SMYD3: variants seen among roughly 807,000 people sequenced by gnomAD.
The protein encoded by SMYD3 is histone-lysine N-methyltransferase SMYD3.
A neutral mutation model predicts 57.7 loss-of-function variants in SMYD3; 36 were observed. The ratio of observed to expected loss-of-function variants is 0.62; its 90% CI spans 0.48 to 0.82. SMYD3 has a LOEUF of 0.82. Ranked by LOEUF, SMYD3 falls within the 40% of genes least tolerant of loss-of-function variation. The probability of loss-of-function intolerance (pLI) is 0.00; values close to 1 mark genes in which losing one functional copy is unlikely to be tolerated. For missense variants in SMYD3, 515 were observed against 538.8 expected (o/e 0.96, Z 0.44); for synonymous variants, 211 against 195.0 (o/e 1.08, Z -0.68).
At chr1:245,925,732 A>G (rs2147825695) in intron 7 of SMYD3, among the ~76,000 whole-genome samples, 1 of 152,342 alleles carries the variant, frequency 6.6e-6, no homozygotes, top group African/African-American at 2.4e-5. Context: ...AAGTGCTAAG[A>G]GATACAGAAA....
chr1:246,225,338 A>C (rs1276964072), intron 5 of SMYD3, among the ~76,000 whole-genome samples: 4 of 118,728 alleles, frequency 3.4e-5, no homozygotes, highest in African/African-American at 8.8e-5. Context: ...AAAAAAAAAA[A>C]AAAAAAAAAA....
At chr1:245,930,533 G>C in intron 5 of SMYD3, 1 of 184,712 alleles carries the variant, frequency 5.4e-6, no homozygotes, top group Non-Finnish European at 1.1e-5. Context: ...GTCTTATGCA[G>C]GGACGGAGCA....
At chr1:246,101,067 T>G (rs2061003361) in intron 5 of SMYD3, among the ~76,000 whole-genome samples, 1 of 57,824 alleles carries the variant, frequency 1.7e-5, no homozygotes, top group African/African-American at 4.0e-5. Flanking sequence ...TTTAGGGGTT[T>G]TTTGTTTTTT....
intron 4 of SMYD3, among the ~76,000 whole-genome samples, chr1:246,327,744 A>G (rs1226306965): frequency 6.6e-6 from 1 of 152,218 alleles, no homozygotes; most frequent in Non-Finnish European, 1.5e-5. Flanking sequence ...CTAAACTAAT[A>G]AACAGCATCA....
At position 245,923,625 on chromosome 1, in the gene SMYD3, C is replaced by T. The variant is rs545897091; in HGVS notation, c.702+4306G>A. Reference sequence around the variant, plus strand: ...ATGCCTTTTCCAGCCTCATCCAACTCTAACTCCATGGATCCTTTCAGAGTC... The same window carrying T: ...ATGCCTTTTCCAGCCTCATCCAACTTTAACTCCATGGATCCTTTCAGAGTC... On this transcript the variant is annotated intron_variant, in intron 7 of 11. Transcript: ENST00000490107. Among the ~76,000 whole-genome samples the T allele has an allele frequency of 1.3e-4, 20 of 152,332 alleles. No individual in the cohort carries two copies. In the East Asian group the frequency reaches 3.5e-3, roughly 26 times the overall value.
intron 5 of SMYD3, among the ~76,000 whole-genome samples, chr1:246,121,603 A>G (rs1315464895): frequency 6.6e-6 from 1 of 152,178 alleles, no homozygotes; most frequent in Non-Finnish European, 1.5e-5. Context: ...GTATTCCCAG[A>G]GAAATAGCAG....
chr1:246,342,035 T>C (rs918254492), intron 2 of SMYD3, among the ~76,000 whole-genome samples: 2 of 152,186 alleles, frequency 1.3e-5, no homozygotes, highest in Non-Finnish European at 2.9e-5. Flanking sequence ...CTAACAAATA[T>C]CTGAATTATG....
chr1:245,922,580 C>T (rs1572698315), intron 7 of SMYD3, among the ~76,000 whole-genome samples: 1 of 149,254 alleles, frequency 6.7e-6, no homozygotes, highest in Non-Finnish European at 1.5e-5. Flanking sequence ...AATATGTTTC[C>T]ACAATTTATG....
chr1:246,286,870 CT>C (rs1190629612), intron 5 of SMYD3, among the ~76,000 whole-genome samples: 2 of 146,868 alleles, frequency 1.4e-5, no homozygotes, highest in Admixed American at 7.0e-5. Context: ...ATAAAAAAAT[CT>C]TTTTTTTTGT....
At chr1:245,997,524 C>T (rs912434832) in intron 5 of SMYD3, among the ~76,000 whole-genome samples, 5 of 152,198 alleles carry the variant, frequency 3.3e-5, no homozygotes, top group African/African-American at 4.8e-5. Context: ...TCCTTGGAGC[C>T]GTGAATCAGC....
At chr1:246,167,042 G>A (rs2062226301) in intron 5 of SMYD3, among the ~76,000 whole-genome samples, 1 of 152,186 alleles carries the variant, frequency 6.6e-6, no homozygotes, top group Non-Finnish European at 1.5e-5. Flanking sequence ...AGAGCATGTG[G>A]CGTCTTGTGT....
At chr1:246,042,393 C>A (rs1368457426) in intron 5 of SMYD3, among the ~76,000 whole-genome samples, 1 of 152,160 alleles carries the variant, frequency 6.6e-6, no homozygotes, top group African/African-American at 2.4e-5. Flanking sequence ...TCAAGAGCCA[C>A]ATACTCAGGG....
intron 10 of SMYD3, among the ~76,000 whole-genome samples, chr1:245,793,904 T>C (rs972028468): frequency 6.6e-6 from 1 of 152,236 alleles, no homozygotes; most frequent in Non-Finnish European, 1.5e-5. Flanking sequence ...TTTCCTCTGA[T>C]TAATGTGGTC....
chr1:246,385,976 C>T lies in SMYD3; in HGVS notation c.165-30882G>A, dbSNP rs202206158. The stretch of plus-strand genomic sequence containing the variant: ...CGATCTCGGCTCACTGCAAGCTCCA[C>T]CTCTTGGGTTCACACCATTCTCCTG... On this transcript the variant is annotated intron_variant, in intron 1 of 11. Coordinates refer to ENST00000490107, the MANE Select transcript of SMYD3 (RefSeq NM_001167740.2). Among the ~76,000 whole-genome samples, 37 of 152,182 alleles carry T rather than the reference C, an allele frequency of 2.4e-4. No individual in the cohort carries two copies. The East Asian group carries it at 6.8e-3, about 28-fold the overall frequency.
intron 5 of SMYD3, among the ~76,000 whole-genome samples, chr1:246,047,927 T>A (rs2059998773): frequency 6.6e-6 from 1 of 152,056 alleles, no homozygotes; most frequent in African/African-American, 2.4e-5. Context: ...GGGCATTTTT[T>A]AAAAAAACCT....
intron 5 of SMYD3, among the ~76,000 whole-genome samples, chr1:246,164,889 T>C (rs1375904790): frequency 6.6e-6 from 1 of 152,150 alleles, no homozygotes; most frequent in Non-Finnish European, 1.5e-5. Context: ...CTGCTGGAAG[T>C]ATACAAAGGT....
intron 5 of SMYD3, among the ~76,000 whole-genome samples, chr1:245,939,194 A>T (rs10924393): frequency 0.18 from 27,667 of 152,074 alleles, 4,806 homozygotes; most frequent in African/African-American, 0.46. Flanking sequence ...AATGTGAAGA[A>T]AATAGATAAT....
chr1:245,959,621 C>T (rs2057947732), intron 5 of SMYD3, among the ~76,000 whole-genome samples: 1 of 152,190 alleles, frequency 6.6e-6, no homozygotes, highest in Admixed American at 6.5e-5. Flanking sequence ...TCCCATTGCT[C>T]ACTGTGTTCT....
intron 5 of SMYD3, 121 bp from the exon 6 acceptor site, chr1:245,930,058 C>T (rs1344006484): frequency 2.6e-6 from 2 of 763,246 alleles, no homozygotes; most frequent in Non-Finnish European, 4.6e-6. Context: ...TAAGAAAGAG[C>T]CAAGCCAATC....
Sources: gnomAD v4.1 joint callset for allele counts (sites outside exome capture counted in the v4.1 genomes callset) on GRCh38, gnomAD v4.1.1 for gene constraint, MANE v1.5 for transcripts, NCBI Gene and HGNC (gene_info 2026-07-23, HGNC 2026-07-21) for gene names.